TBL1XR1: variants seen among roughly 807,000 people sequenced by gnomAD.
TBL1XR1 encodes F-box-like/WD repeat-containing protein TBL1XR1.
TBL1XR1 carries 5 observed loss-of-function variants against 66.9 expected under a neutral mutation model. The ratio of observed to expected loss-of-function variants is 0.07; its 90% CI spans 0.04 to 0.16. The LOEUF is 0.16. TBL1XR1 is among the 10% of genes least tolerant of loss of function. The pLI is 1.00. For synonymous variants in TBL1XR1, 210 were observed against 206.0 expected, an observed-to-expected ratio of 1.02 and a Z score of -0.17; for missense variants, 238 against 623.2, an observed-to-expected ratio of 0.38 and a Z score of 6.58.
chr3:177,164,283 C>G (rs564779621), intron 1 of TBL1XR1, among the ~76,000 whole-genome samples: 1 of 152,040 alleles, frequency 6.6e-6, no homozygotes, highest in African/African-American at 2.4e-5. Flanking sequence ...CCTGCAAAGA[C>G]CTTCAAATGG....
At chr3:177,122,969 G>A (rs578160248) in intron 1 of TBL1XR1, among the ~76,000 whole-genome samples, 50 of 152,180 alleles carry the variant, frequency 3.3e-4, no homozygotes, top group African/African-American at 1.1e-3. Context: ...AAAAAAGTCA[G>A]CCACAGAAAA....
At chr3:177,091,494 C>T (rs578122152) in intron 2 of TBL1XR1, among the ~76,000 whole-genome samples, 9 of 152,194 alleles carry the variant, frequency 5.9e-5, no homozygotes, top group African/African-American at 2.2e-4. Context: ...CAATGAAGGA[C>T]ATGTACAAGA....
chr3:177,192,089 T>C (rs1319977152), intron 1 of TBL1XR1, among the ~76,000 whole-genome samples: 1 of 110,282 alleles, frequency 9.1e-6, no homozygotes, highest in African/African-American at 3.7e-5. Context: ...CAAGACTCTG[T>C]CTCAAAAAAA....
chr3:177,085,058 C>CA (rs558366241), intron 2 of TBL1XR1, among the ~76,000 whole-genome samples: 1 of 152,186 alleles, frequency 6.6e-6, no homozygotes, highest in African/African-American at 2.4e-5. Flanking sequence ...TTCTTTCAAT[C>CA]AAAAAATCGA....
intron 14 of TBL1XR1, among the ~76,000 whole-genome samples, chr3:177,029,411 G>C (rs1034418022): frequency 1.3e-5 from 2 of 152,166 alleles, no homozygotes; most frequent in African/African-American, 4.8e-5. Flanking sequence ...CTTGAGCCTA[G>C]GGGGTTGAGG....
In TBL1XR1 at chr3:177,185,654, A is replaced by G. The variant is rs192923762; in HGVS notation, c.-122+11467T>C. Among the ~76,000 whole-genome samples, 7 of 152,246 alleles carry G rather than the reference A, an allele frequency of 4.6e-5. No individual in the cohort carries two copies. The East Asian group carries it at 1.3e-3, about 29-fold the overall frequency. ...CTGACCCTTTGTCTTTTCATTTAAAAGTATCTTTGAGAAGGTCCCTTATTA... is the reference window on the plus strand; with the variant it reads ...CTGACCCTTTGTCTTTTCATTTAAAGGTATCTTTGAGAAGGTCCCTTATTA... On this transcript the variant is annotated intron_variant, in intron 1 of 15. Transcript: ENST00000457928.
intron 1 of TBL1XR1, among the ~76,000 whole-genome samples, chr3:177,172,717 A>AAGCCG (rs1322758843): frequency 2.2e-5 from 3 of 135,210 alleles, no homozygotes; most frequent in South Asian, 2.4e-4. Context: ...GAGAAGAGCC[A>AAGCCG]AGCCGAGCCA....
At chr3:177,104,400 C>G (rs1724618484) in intron 1 of TBL1XR1, among the ~76,000 whole-genome samples, 1 of 152,210 alleles carries the variant, frequency 6.6e-6, no homozygotes, top group African/African-American at 2.4e-5. Context: ...CAACAACATA[C>G]TACGCATACG....
At chr3:177,053,060 C>T (rs1297084168) in intron 4 of TBL1XR1, among the ~76,000 whole-genome samples, 1 of 152,156 alleles carries the variant, frequency 6.6e-6, no homozygotes, top group East Asian at 1.9e-4. Flanking sequence ...TGAGATTGTG[C>T]CACCACACTC....
chr3:177,183,546 C>T (rs1395501657), intron 1 of TBL1XR1, among the ~76,000 whole-genome samples: 1 of 152,048 alleles, frequency 6.6e-6, no homozygotes, highest in East Asian at 2.0e-4. Flanking sequence ...AGTTTCACTC[C>T]TTCACCCAGG....
intron 1 of TBL1XR1, among the ~76,000 whole-genome samples, chr3:177,167,238 A>G (rs1172352820): frequency 1.3e-5 from 2 of 151,914 alleles, no homozygotes; most frequent in Non-Finnish European, 1.5e-5. Context: ...GAAAGAAGTC[A>G]ATCTAAAAAG....
intron 3 of TBL1XR1, among the ~76,000 whole-genome samples, chr3:177,055,385 C>T (rs971626725): frequency 5.3e-5 from 8 of 152,090 alleles, no homozygotes; most frequent in African/African-American, 1.9e-4. Context: ...TCATTATGCT[C>T]ACAACATCTA....
intron 3 of TBL1XR1, among the ~76,000 whole-genome samples, chr3:177,055,233 A>G (rs1717644996): frequency 6.6e-6 from 1 of 152,014 alleles, no homozygotes; most frequent in Non-Finnish European, 1.5e-5. Context: ...TCCTTGTGGT[A>G]CTTATAAACA....
At chr3:177,200,651 T>A (rs956459679), upstream of TBL1XR1, among the ~76,000 whole-genome samples, 2 of 152,226 alleles carry the variant, frequency 1.3e-5, no homozygotes, top group Admixed American at 1.3e-4. Flanking sequence ...AATTAAATGT[T>A]AATGTGTTTC....
chr3:177,165,549 A>T (rs935894870), intron 1 of TBL1XR1, among the ~76,000 whole-genome samples: 2 of 152,188 alleles, frequency 1.3e-5, no homozygotes, highest in Non-Finnish European at 2.9e-5. Context: ...GATTTGCCCT[A>T]CTTGACCTCA....
In TBL1XR1 at chr3:177,050,703, T is replaced by A. The variant is rs1230997923; in HGVS notation, c.428-93A>T. 5.8e-6 allele frequency: 8 copies of A among 1,385,334 alleles called. No individual in the cohort carries two copies. The Admixed American group carries it at 9.4e-5, about 16-fold the overall frequency. 85.8% of individuals were successfully genotyped at this position (1,385,334 alleles called of 1,614,324 possible). ...CTTAACTAGCAAATACCTTCCTTTA[T>A]CGCACACAGTGTAACATTTTTCAAT... On this transcript the variant is annotated intron_variant, in intron 5 of 15. Coordinates refer to ENST00000457928, the MANE Select transcript of TBL1XR1 (RefSeq NM_024665.7).
intron 1 of TBL1XR1, among the ~76,000 whole-genome samples, chr3:177,192,717 T>G (rs1443204052): frequency 6.6e-6 from 1 of 152,094 alleles, no homozygotes; most frequent in Non-Finnish European, 1.5e-5. Flanking sequence ...GAAACAAACT[T>G]CAAAAATCAA....
chr3:177,037,929 A>G, intron 12 of TBL1XR1, 169 bp downstream of exon 12: 1 of 584,164 alleles, frequency 1.7e-6, no homozygotes, highest in Non-Finnish European at 3.0e-6. Flanking sequence ...GTATTTCAGA[A>G]AAGAAACTAT....
In TBL1XR1 at chr3:177,197,234, C is replaced by G. The variant is rs939837368; in HGVS notation, c.-235G>C. ...CCAACCACCCCCAAAATAACCCCTC[C>G]GGGGGGTGAGAGGCAATTATAACCC... On this transcript the variant is annotated 5_prime_UTR_variant, in exon 1 of 16. Coordinates refer to ENST00000457928, the MANE Select transcript of TBL1XR1 (RefSeq NM_024665.7). 1.3e-5 allele frequency: 2 copies of G among 150,408 alleles called. No homozygotes were observed. The highest frequency in any genetic ancestry group is 3.0e-5 in the Non-Finnish European group (2 of 67,514). The allele number at this position is 150,408 out of a possible 1,614,324, so 9.3% of individuals were successfully genotyped here.
Sources: allele counts gnomAD v4.1 joint callset (sites outside exome capture counted in the v4.1 genomes callset), GRCh38; gene constraint gnomAD v4.1.1; transcripts MANE v1.5; gene names NCBI Gene and HGNC (gene_info 2026-07-23, HGNC 2026-07-21).